The following CACNA2D3 variants were observed in gnomAD, a reference collection of about 807,000 sequenced individuals.
CACNA2D3 encodes the protein voltage-dependent calcium channel subunit alpha-2/delta-3.
A neutral mutation model predicts 160.6 loss-of-function variants in CACNA2D3; 60 were observed. That is an observed-to-expected ratio of 0.37 (90% CI 0.30 to 0.46). The LOEUF (loss-of-function observed/expected upper bound fraction) is 0.46, where lower values mean the gene tolerates loss of function less well. Among genes scored for constraint, CACNA2D3 ranks in the 20% least tolerant of loss-of-function variants. CACNA2D3 has a pLI of 1.00. For missense variants in CACNA2D3, 1,205 were observed against 1,365.0 expected, an observed-to-expected ratio of 0.88 and a Z score of 1.85; for synonymous variants, 558 against 492.9, an observed-to-expected ratio of 1.13 and a Z score of -1.75.
intron 13 of CACNA2D3, among the ~76,000 whole-genome samples, chr3:54,812,560 G>A (rs1233186003): frequency 6.6e-6 from 1 of 152,154 alleles, no homozygotes; most frequent in East Asian, 1.9e-4. Context: ...AAACCATGGT[G>A]GCTGGGTTCT....
At chr3:54,246,723 T>C (rs987365059) in intron 2 of CACNA2D3, among the ~76,000 whole-genome samples, 4 of 136,654 alleles carry the variant, frequency 2.9e-5, no homozygotes, top group Admixed American at 2.1e-4. Context: ...AAACTCCATC[T>C]CAAAAAAACA....
intron 2 of CACNA2D3, among the ~76,000 whole-genome samples, chr3:54,175,791 T>C (rs764662480): frequency 6.6e-6 from 1 of 152,018 alleles, no homozygotes. Context: ...AAACAGGTCA[T>C]TGGAGGGGAA....
intron 33 of CACNA2D3, 129 bp downstream of exon 33, chr3:55,007,971 A>G (rs1270181644): frequency 5.0e-6 from 3 of 602,946 alleles, no homozygotes; most frequent in South Asian, 4.9e-5. Flanking sequence ...AGATAACTTC[A>G]TTGAACATCT....
intron 2 of CACNA2D3, among the ~76,000 whole-genome samples, chr3:54,136,305 G>A (rs1220679037): frequency 6.6e-6 from 1 of 152,194 alleles, no homozygotes; most frequent in Admixed American, 6.5e-5. Context: ...TAAACTATCT[G>A]GAAACCTGAA....
intron 2 of CACNA2D3, among the ~76,000 whole-genome samples, chr3:54,217,643 G>A (rs144814148): frequency 8.0e-4 from 121 of 152,190 alleles, no homozygotes; most frequent in South Asian, 1.9e-3. Context: ...CTCCAGCTGA[G>A]GAACAGCAAG....
chr3:54,302,641 A>G (rs779507110), intron 2 of CACNA2D3, among the ~76,000 whole-genome samples: 1 of 152,204 alleles, frequency 6.6e-6, no homozygotes, highest in Non-Finnish European at 1.5e-5. Flanking sequence ...ACTGAAAATG[A>G]GACTGCCTTT....
At chr3:55,020,241 T>C (rs1410205532) in intron 35 of CACNA2D3, among the ~76,000 whole-genome samples, 1 of 150,816 alleles carries the variant, frequency 6.6e-6, no homozygotes, top group Non-Finnish European at 1.5e-5. Flanking sequence ...GACTCTACTC[T>C]TGCATACTAA....
intron 4 of CACNA2D3, among the ~76,000 whole-genome samples, chr3:54,457,170 C>G (rs1424199585): frequency 1.3e-5 from 2 of 151,588 alleles, no homozygotes; most frequent in African/African-American, 4.8e-5. Flanking sequence ...TGAAATCTTT[C>G]TAGTTTTTTT....
intron 4 of CACNA2D3, among the ~76,000 whole-genome samples, chr3:54,388,975 C>T (rs559265084): frequency 1.6e-4 from 24 of 151,866 alleles, no homozygotes; most frequent in East Asian, 1.2e-3. Context: ...TCCATGAGTC[C>T]GCTTGATAAT....
At chr3:54,642,045 C>A in intron 10 of CACNA2D3, 83 bp from the exon 11 acceptor site, 1 of 793,390 alleles carries the variant, frequency 1.3e-6, no homozygotes, top group Non-Finnish European at 2.0e-6. Flanking sequence ...CTTCCTTAGT[C>A]CCAGGTCTCA....
intron 30 of CACNA2D3, among the ~76,000 whole-genome samples, chr3:54,986,698 C>T (rs1022838795): frequency 8.5e-5 from 13 of 152,278 alleles, no homozygotes; most frequent in African/African-American, 3.1e-4. Flanking sequence ...ACGGAATATA[C>T]ATAATTTGGA....
chr3:54,293,341 C>A (rs1196210886), intron 2 of CACNA2D3, among the ~76,000 whole-genome samples: 1 of 152,118 alleles, frequency 6.6e-6, no homozygotes, highest in Non-Finnish European at 1.5e-5. Context: ...AGTCTTTTAT[C>A]CCTCACCCAC....
intron 27 of CACNA2D3, among the ~76,000 whole-genome samples, chr3:54,943,464 C>T (rs1701529188): frequency 6.6e-6 from 1 of 152,168 alleles, no homozygotes; most frequent in South Asian, 2.1e-4. Context: ...ACCAACATGA[C>T]TGTATGCCCA....
At position 55,073,561 on chromosome 3, in the gene CACNA2D3, T is replaced by C. The variant is rs773373189; in HGVS notation, c.3100+4T>C. On this transcript the variant is annotated splice_donor_region_variant and intron_variant, in intron 36 of 37. Coordinates refer to ENST00000474759, the MANE Select transcript of CACNA2D3 (RefSeq NM_018398.3). ...ATGGCACCCATTGAAATCAGGTATATCCTTTTGTGTGCAGGTCCACTCACT... is the reference window on the plus strand; with the variant it reads ...ATGGCACCCATTGAAATCAGGTATACCCTTTTGTGTGCAGGTCCACTCACT... 1 of 1,609,120 alleles carries C rather than the reference T, an allele frequency of 6.2e-7. No homozygotes were observed. Among genetic ancestry groups the C allele is most frequent in the Non-Finnish European group, 8.5e-7 (1 of 1,175,548 alleles).
chr3:55,053,449 T>G (rs556321212), intron 35 of CACNA2D3, among the ~76,000 whole-genome samples: 1 of 152,164 alleles, frequency 6.6e-6, no homozygotes, highest in East Asian at 1.9e-4. Flanking sequence ...ATGCTCATAC[T>G]CAAGCTTCCT....
intron 11 of CACNA2D3, among the ~76,000 whole-genome samples, chr3:54,693,804 ATTAAAAAT>A (rs1386260411): frequency 9.2e-5 from 14 of 152,318 alleles, no homozygotes; most frequent in Non-Finnish European, 1.8e-4. Context: ...AAATAAAAAA[ATTAAAAAT>A]TTTAAAAGTA....
In CACNA2D3 at chr3:54,874,227, T is replaced by G. The variant is rs77912259; in HGVS notation, c.1710+2605T>G. The stretch of plus-strand genomic sequence containing the variant: ...AAAAAGACAACAATTTAAAACTATT[T>G]ATAGCAGTATGAGCAGGACTTCTGT... On this transcript the variant is annotated intron_variant, in intron 18 of 37. Transcript: ENST00000474759. Among the ~76,000 whole-genome samples the G allele has an allele frequency of 9.7e-3, 1,477 of 152,286 alleles. 12 individuals carry two copies. Among genetic ancestry groups the G allele is most frequent in the African/African-American group, 0.032 (1,334 of 41,546 alleles).
chr3:54,866,386 G>T (rs1435961356), intron 17 of CACNA2D3, among the ~76,000 whole-genome samples: 1 of 152,146 alleles, frequency 6.6e-6, no homozygotes, highest in Non-Finnish European at 1.5e-5. Flanking sequence ...AGTGGTAAAG[G>T]TCTTCACCAG....
At chr3:55,026,418 C>T (rs1185856590) in intron 35 of CACNA2D3, among the ~76,000 whole-genome samples, 1 of 152,176 alleles carries the variant, frequency 6.6e-6, no homozygotes, top group Non-Finnish European at 1.5e-5. Context: ...GAATGAGACA[C>T]ACAAAATTCT....
Sources: gnomAD v4.1 joint callset for allele counts (sites outside exome capture counted in the v4.1 genomes callset) on GRCh38, gnomAD v4.1.1 for gene constraint, MANE v1.5 for transcripts, NCBI Gene and HGNC (gene_info 2026-07-23, HGNC 2026-07-21) for gene names.